The following SPIDR variants were observed in gnomAD, a reference collection of about 807,000 sequenced individuals.
The protein encoded by SPIDR is DNA repair-scaffolding protein.
A neutral mutation model predicts 104.6 loss-of-function variants in SPIDR; 93 were observed. That is an observed-to-expected ratio of 0.89 (90% CI 0.75 to 1.06). SPIDR has a LOEUF of 1.06. Among genes scored for constraint, SPIDR ranks in the 50% least tolerant of loss-of-function variants. The pLI is 0.00. For missense variants in SPIDR, 1,154 were observed against 1,111.2 expected (o/e 1.04, Z -0.55); for synonymous variants, 431 against 416.9 (o/e 1.03, Z -0.41).
chr8:47,601,256 T>C (rs1284913396), intron 10 of SPIDR, among the ~76,000 whole-genome samples: 1 of 152,236 alleles, frequency 6.6e-6, no homozygotes, highest in East Asian at 1.9e-4. Context: ...TTGCACAATA[T>C]CGAGGCTAGA....
chr8:47,557,233 G>A (rs941195658), intron 8 of SPIDR, among the ~76,000 whole-genome samples: 2 of 152,178 alleles, frequency 1.3e-5, no homozygotes, highest in Admixed American at 6.5e-5. Context: ...CCTCCATGAA[G>A]TGGAGAGAAG....
chr8:47,335,921 CTT>C (rs1216183751), intron 5 of SPIDR, among the ~76,000 whole-genome samples: 1 of 137,860 alleles, frequency 7.3e-6, no homozygotes, highest in Admixed American at 7.2e-5. Flanking sequence ...TAAGTTTTTG[CTT>C]TTTTTTTTTT....
At chr8:47,685,873 C>T (rs982487204) in intron 11 of SPIDR, among the ~76,000 whole-genome samples, 7 of 148,288 alleles carry the variant, frequency 4.7e-5, no homozygotes, top group Non-Finnish European at 1.0e-4. Flanking sequence ...TAATAGAAAT[C>T]TGTTCAGGCA....
intron 5 of SPIDR, among the ~76,000 whole-genome samples, chr8:47,381,374 T>C (rs1206292659): frequency 1.3e-5 from 2 of 152,256 alleles, no homozygotes; most frequent in Non-Finnish European, 2.9e-5. Context: ...ATTATTTTAC[T>C]TGCCATGGTG....
At chr8:47,382,361 A>AGAGTAGCAATTGAATTATATAAAGCATT (rs1554645896) in intron 5 of SPIDR, among the ~76,000 whole-genome samples, 3 of 152,240 alleles carry the variant, frequency 2.0e-5, no homozygotes, top group Admixed American at 6.5e-5. Flanking sequence ...ATTAGCTTAA[A>AGAGTAGCAATTGAATTATATAAAGCATT]GAGTAGCAAT....
intron 10 of SPIDR, among the ~76,000 whole-genome samples, chr8:47,667,195 C>T (rs761459839): frequency 3.9e-5 from 6 of 151,966 alleles, no homozygotes; most frequent in Non-Finnish European, 7.4e-5. Flanking sequence ...GCACAAGAAT[C>T]GCTTGAACCT....
At chr8:47,733,657 T>C (rs1483002698) in intron 19 of SPIDR, among the ~76,000 whole-genome samples, 1 of 151,962 alleles carries the variant, frequency 6.6e-6, no homozygotes, top group African/African-American at 2.4e-5. Flanking sequence ...TCCCCTGGTG[T>C]CCCCTCCAGT....
rs141667444 is a variant in SPIDR at position 47,581,050 on chromosome 8, G to T, written c.1098-14761G>T. ...AAAATCATTGATTTTCCAGGCACTG[G>T]TGAGCCACCCAGCCAAAGCCCCTTC... On this transcript the variant is annotated intron_variant, in intron 8 of 19. Transcript: ENST00000297423. 5.5e-4 allele frequency among the ~76,000 whole-genome samples: 84 copies of T among 152,230 alleles called. 1 individual carries two copies. The highest frequency in any genetic ancestry group is 1.9e-3 in the African/African-American group (78 of 41,536).
chr8:47,334,512 C>T (rs556933729), intron 5 of SPIDR, among the ~76,000 whole-genome samples: 2 of 152,086 alleles, frequency 1.3e-5, no homozygotes, highest in Non-Finnish European at 2.9e-5. Flanking sequence ...TTGGGTAATG[C>T]CCCTCTTTAT....
intron 7 of SPIDR, among the ~76,000 whole-genome samples, chr8:47,427,682 T>C (rs1259456712): frequency 6.6e-6 from 1 of 152,204 alleles, no homozygotes; most frequent in Non-Finnish European, 1.5e-5. Context: ...GGGGCGTCCC[T>C]GACCGTCAGG....
chr8:47,665,938 AT>A (rs1465711788), intron 10 of SPIDR, among the ~76,000 whole-genome samples: 4 of 152,262 alleles, frequency 2.6e-5, no homozygotes, highest in South Asian at 4.1e-4. Flanking sequence ...AATTTTTTGC[AT>A]TTTTTTATAG....
intron 16 of SPIDR, among the ~76,000 whole-genome samples, chr8:47,720,381 C>T (rs929807690): frequency 5.3e-5 from 8 of 152,312 alleles, no homozygotes; most frequent in South Asian, 2.1e-4. Context: ...GTTTAGTTTT[C>T]GAAGTAACTG....
chr8:47,299,724 G>A (rs1425770221), intron 5 of SPIDR, among the ~76,000 whole-genome samples: 5 of 152,114 alleles, frequency 3.3e-5, no homozygotes, highest in Admixed American at 6.5e-5. Flanking sequence ...GGTTTTACTC[G>A]TTGGTTCTGT....
intron 8 of SPIDR, among the ~76,000 whole-genome samples, chr8:47,583,047 C>T (rs530152542): frequency 2.0e-4 from 31 of 151,598 alleles, no homozygotes; most frequent in Non-Finnish European, 4.0e-4. Context: ...CTATGGCCAC[C>T]AACTTCTCAA....
chr8:47,290,341 A>G (rs1353853009), intron 3 of SPIDR, among the ~76,000 whole-genome samples: 2 of 152,224 alleles, frequency 1.3e-5, no homozygotes, highest in African/African-American at 4.8e-5. Context: ...AGGGATTGGT[A>G]TGGGGCCAGG....
intron 11 of SPIDR, among the ~76,000 whole-genome samples, chr8:47,684,620 T>C (rs1250695880): frequency 6.6e-6 from 1 of 152,224 alleles, no homozygotes; most frequent in Non-Finnish European, 1.5e-5. Flanking sequence ...TAAACCACCA[T>C]GTAAGAAGTT....
chr8:47,314,755 A>G (rs1554588293), intron 5 of SPIDR, among the ~76,000 whole-genome samples: 1 of 152,228 alleles, frequency 6.6e-6, no homozygotes, highest in East Asian at 1.9e-4. Flanking sequence ...CAGGATGTAA[A>G]GAAAACAAAT....
At chr8:47,385,104 A>G (rs1279211553) in intron 5 of SPIDR, among the ~76,000 whole-genome samples, 1 of 152,180 alleles carries the variant, frequency 6.6e-6, no homozygotes, top group Non-Finnish European at 1.5e-5. Context: ...ACTTATGGAA[A>G]AAATTTCAAT....
intron 3 of SPIDR, among the ~76,000 whole-genome samples, chr8:47,286,803 C>G (rs1586360497): frequency 6.6e-6 from 1 of 152,186 alleles, no homozygotes; most frequent in African/African-American, 2.4e-5. Flanking sequence ...AAAAGATGCT[C>G]AGCCTCAAGG....
Sources: gnomAD v4.1 joint callset for allele counts (sites outside exome capture counted in the v4.1 genomes callset) on GRCh38, gnomAD v4.1.1 for gene constraint, MANE v1.5 for transcripts, NCBI Gene and HGNC (gene_info 2026-07-23, HGNC 2026-07-21) for gene names.